ZCWPW2: variants seen among roughly 807,000 people sequenced by gnomAD.
ZCWPW2 encodes the protein zinc finger CW-type PWWP domain protein 2.
A neutral mutation model predicts 46.6 loss-of-function variants in ZCWPW2; 45 were observed. The observed-to-expected ratio is 0.96, with a 90% CI of 0.76 to 1.24. The LOEUF is 1.24. Ranked by LOEUF, ZCWPW2 falls within the 50% of genes most tolerant of loss-of-function variation. The pLI is 0.00. For missense variants in ZCWPW2, 429 were observed against 403.9 expected (o/e 1.06, Z -0.53); for synonymous variants, 152 against 137.1 (o/e 1.11, Z -0.76).
chr3:28,453,831 ATTTTTAT>A (rs1337534008), intron 4 of ZCWPW2, among the ~76,000 whole-genome samples: 10 of 142,054 alleles, frequency 7.0e-5, no homozygotes, highest in African/African-American at 1.9e-4. Flanking sequence ...TTATTTATTT[ATTTTTAT>A]TTTTTTTATT....
At chr3:28,374,356 A>G (rs929472003) in intron 1 of ZCWPW2, among the ~76,000 whole-genome samples, 3 of 152,026 alleles carry the variant, frequency 2.0e-5, no homozygotes, top group Non-Finnish European at 4.4e-5. Flanking sequence ...CTATGGGTCT[A>G]GTTTTATGTG....
chr3:28,509,825 T>C (rs1700379225), intron 6 of ZCWPW2, among the ~76,000 whole-genome samples: 1 of 152,220 alleles, frequency 6.6e-6, no homozygotes, highest in African/African-American at 2.4e-5. Context: ...TTTAAAATGT[T>C]GATGACATCC....
At chr3:28,489,680 A>G (rs968558973) in intron 5 of ZCWPW2, among the ~76,000 whole-genome samples, 1 of 144,104 alleles carries the variant, frequency 6.9e-6, no homozygotes, top group African/African-American at 2.8e-5. Context: ...ACACACACAC[A>G]CACACACACA....
chr3:28,416,946 A>T (rs1014184669), intron 3 of ZCWPW2, among the ~76,000 whole-genome samples: 1 of 145,930 alleles, frequency 6.9e-6, no homozygotes, highest in Admixed American at 6.9e-5. Flanking sequence ...TTCTGCATCG[A>T]TGTTCATCAA....
chr3:28,504,974 C>A (rs899535533), intron 6 of ZCWPW2, among the ~76,000 whole-genome samples: 3 of 151,990 alleles, frequency 2.0e-5, no homozygotes, highest in Non-Finnish European at 4.4e-5. Flanking sequence ...AGTCAAAGAC[C>A]GCTAAAAAAT....
intron 2 of ZCWPW2, among the ~76,000 whole-genome samples, chr3:28,405,462 C>G (rs1474781121): frequency 6.6e-6 from 1 of 151,982 alleles, no homozygotes; most frequent in African/African-American, 2.4e-5. Flanking sequence ...TTGCTGTAAA[C>G]AGAGGTTTTT....
chr3:28,487,355 G>T (rs1219337934), intron 5 of ZCWPW2, among the ~76,000 whole-genome samples: 3 of 151,864 alleles, frequency 2.0e-5, no homozygotes, highest in African/African-American at 7.3e-5. Context: ...ATATCCTGAA[G>T]CTCAAAGATT....
At chr3:28,449,477 A>G (rs1230327148) in intron 4 of ZCWPW2, among the ~76,000 whole-genome samples, 1 of 152,198 alleles carries the variant, frequency 6.6e-6, no homozygotes, top group Non-Finnish European at 1.5e-5. Flanking sequence ...AGAATAGTCA[A>G]AATTATGGAG....
At chr3:28,517,248 G>A (rs907788984) in intron 8 of ZCWPW2, among the ~76,000 whole-genome samples, 4 of 152,064 alleles carry the variant, frequency 2.6e-5, no homozygotes, top group Non-Finnish European at 4.4e-5. Flanking sequence ...TACTATATAA[G>A]GGAATGTGTT....
At chr3:28,397,166 GC>G (rs1442713568) in intron 2 of ZCWPW2, among the ~76,000 whole-genome samples, 1 of 151,404 alleles carries the variant, frequency 6.6e-6, no homozygotes, top group Non-Finnish European at 1.5e-5. Context: ...AAAACTCCTT[GC>G]ATGTGTTGTG....
chr3:28,420,051 G>A (rs1696702458), intron 3 of ZCWPW2, among the ~76,000 whole-genome samples: 1 of 149,826 alleles, frequency 6.7e-6, no homozygotes, highest in Non-Finnish European at 1.5e-5. Context: ...TTGTGCACAT[G>A]TACCCTAATA....
intron 1 of ZCWPW2, among the ~76,000 whole-genome samples, chr3:28,379,614 A>AT (rs1008033587): frequency 2.8e-4 from 42 of 150,038 alleles, no homozygotes; most frequent in Middle Eastern, 3.4e-3. Flanking sequence ...TTTCCAAAAC[A>AT]TTTTTTTTTT....
intron 4 of ZCWPW2, among the ~76,000 whole-genome samples, chr3:28,459,128 T>C (rs1176743945): frequency 6.6e-6 from 1 of 152,148 alleles, no homozygotes; most frequent in Non-Finnish European, 1.5e-5. Context: ...CCCAGCACTT[T>C]GGGAGGCCAT....
chr3:28,495,567 G>A (rs1228564015), intron 6 of ZCWPW2, among the ~76,000 whole-genome samples: 1 of 152,084 alleles, frequency 6.6e-6, no homozygotes, highest in East Asian at 1.9e-4. Context: ...GATATGTACA[G>A]AAAGTAAGAG....
intron 5 of ZCWPW2, among the ~76,000 whole-genome samples, chr3:28,480,330 A>G (rs1046053062): frequency 2.6e-5 from 4 of 151,800 alleles, no homozygotes; most frequent in African/African-American, 9.7e-5. Context: ...ATGTTGAACT[A>G]TTTTTCATAT....
chr3:28,380,991 ATATATTTGG>A lies in ZCWPW2; in HGVS notation c.-133-9501_-133-9493del, dbSNP rs1446567477. Among the ~76,000 whole-genome samples, 17 of 46,768 alleles carry A rather than the reference ATATATTTGG, an allele frequency of 3.6e-4. 4 individuals carry two copies. Among genetic ancestry groups the A allele is most frequent in the African/African-American group, 1.9e-3 (15 of 7,952 alleles). The allele number at this position is 46,768 out of a possible 152,430, so 30.7% of individuals were successfully genotyped here. ...ATATATTTGGTATATATATATATAT[ATATATTTGG>A]TATATATATATATATATATATTTGG... On this transcript the variant is annotated intron_variant, in intron 1 of 9. Transcript: ENST00000383768.
intron 5 of ZCWPW2, among the ~76,000 whole-genome samples, chr3:28,482,978 C>G (rs993857359): frequency 1.3e-5 from 2 of 152,146 alleles, no homozygotes; most frequent in Non-Finnish European, 2.9e-5. Flanking sequence ...GAATCTTTGG[C>G]AGAGCAGACA....
At chr3:28,464,721 T>C (rs1256043392) in intron 4 of ZCWPW2, among the ~76,000 whole-genome samples, 2 of 152,246 alleles carry the variant, frequency 1.3e-5, no homozygotes, top group Non-Finnish European at 2.9e-5. Context: ...TACCCCTAGC[T>C]TGTAGGGCAC....
chr3:28,364,768 G>A (rs1012477454), intron 1 of ZCWPW2, among the ~76,000 whole-genome samples: 1 of 151,660 alleles, frequency 6.6e-6, no homozygotes, highest in African/African-American at 2.4e-5. Flanking sequence ...GGTTGAACTA[G>A]TTTATATTCC....
Sources: allele counts gnomAD v4.1 joint callset (sites outside exome capture counted in the v4.1 genomes callset), GRCh38; gene constraint gnomAD v4.1.1; transcripts MANE v1.5; gene names NCBI Gene and HGNC (gene_info 2026-07-23, HGNC 2026-07-21).